The following KIF13A variants were observed in gnomAD, a reference collection of about 807,000 sequenced individuals.
KIF13A encodes the protein kinesin-like protein KIF13A.
Under a neutral mutation model 212.2 loss-of-function variants are expected in KIF13A, and 79 were observed. That is an observed-to-expected ratio of 0.37 (90% CI 0.31 to 0.45). KIF13A has a LOEUF of 0.45. Ranked by LOEUF, KIF13A falls within the 20% of genes least tolerant of loss-of-function variation. KIF13A has a pLI of 1.00. For synonymous variants in KIF13A, 789 were observed against 808.6 expected, an observed-to-expected ratio of 0.98 and a Z score of 0.41; for missense variants, 1,901 against 2,209.0, an observed-to-expected ratio of 0.86 and a Z score of 2.79.
chr6:17,760,570 G>A, downstream of KIF13A: 1 of 540,724 alleles, frequency 1.8e-6, no homozygotes, highest in Non-Finnish European at 3.3e-6. Context: ...GAGGTGTGTA[G>A]TAAGTGCAAA....
rs562018976 is a variant in KIF13A at position 17,854,631 on chromosome 6, C to T, written c.494+806G>A. Among the ~76,000 whole-genome samples, 240 of 135,088 alleles carry T rather than the reference C, an allele frequency of 1.8e-3. 2 individuals carry two copies. Among genetic ancestry groups the T allele is most frequent in the African/African-American group, 6.1e-3 (222 of 36,314 alleles). 88.6% of individuals were successfully genotyped at this position (135,088 alleles called of 152,430 possible). Reference sequence around the variant, plus strand: ...AGTGCAGTGGCGTGATCTCAACTCACTGCAACCTCTGCCTCCTGGGTTCAA... The same window carrying T: ...AGTGCAGTGGCGTGATCTCAACTCATTGCAACCTCTGCCTCCTGGGTTCAA... On this transcript the variant is annotated intron_variant, in intron 6 of 38. Transcript: ENST00000259711.
rs985139123 is a variant in KIF13A at position 17,813,277 on chromosome 6, C to T, written c.2000+3743G>A. On this transcript the variant is annotated intron_variant, in intron 17 of 38. Transcript: ENST00000259711. ...GGCGGATCACCTGAGGTCAGGGGTT[C>T]GAGACCAGCCTGGCCAACATGGTGA... 5.3e-5 allele frequency among the ~76,000 whole-genome samples: 8 copies of T among 152,068 alleles called. No homozygotes were observed. The South Asian group carries it at 6.2e-4, about 12-fold the overall frequency.
intron 16 of KIF13A, among the ~76,000 whole-genome samples, chr6:17,822,956 T>C (rs915576475): frequency 2.0e-5 from 3 of 152,186 alleles, no homozygotes; most frequent in African/African-American, 7.2e-5. Flanking sequence ...CTTAACACTC[T>C]ACTCTTACTG....
rs1300742169 is a variant in KIF13A, at chr6:17,769,305, T to C, written c.4581+1809A>G. Among the ~76,000 whole-genome samples, 1 of 152,202 alleles carries C rather than the reference T, an allele frequency of 6.6e-6. No individual in the cohort carries two copies. Among genetic ancestry groups the C allele is most frequent in the East Asian group, 1.9e-4 (1 of 5,204 alleles). ...GTCTGGAATGAATTAAAGAGCCCAA[T>C]TGCCTCTTAGGTGCAGAGTGCTCAG... On this transcript the variant is annotated intron_variant, in intron 38 of 38. Transcript: ENST00000259711. The surrounding 1 kb of genome is among the most constrained non-coding windows in gnomAD (Gnocchi z 5.8).
chr6:17,808,626 T>C, intron 18 of KIF13A, 142 bp downstream of exon 18: 5 of 721,370 alleles, frequency 6.9e-6, no homozygotes, highest in Non-Finnish European at 1.1e-5. Context: ...ATGAGGTATA[T>C]AAAGAATGTC....
chr6:17,826,927 G>A lies in KIF13A; in HGVS notation c.1533-803C>T, dbSNP rs1439475410. On this transcript the variant is annotated intron_variant, in intron 14 of 38. Coordinates refer to ENST00000259711, the MANE Select transcript of KIF13A (RefSeq NM_022113.6). This position sits in a 1 kb window ranked among gnomAD's most constrained non-coding sequence, Gnocchi z 4.7. Reference sequence around the variant, plus strand: ...AAAATAATTTTTTTTTCTGGGCATGGTGGTGGGCGCCTGTAATCCCAGCTA... The same window carrying A: ...AAAATAATTTTTTTTTCTGGGCATGATGGTGGGCGCCTGTAATCCCAGCTA... Among the ~76,000 whole-genome samples, 1 of 151,690 alleles carries A rather than the reference G, an allele frequency of 6.6e-6. No individual in the cohort carries two copies. Among genetic ancestry groups the A allele is most frequent in the Non-Finnish European group, 1.5e-5 (1 of 67,950 alleles).
chr6:17,822,552 T>A (rs75695029), intron 16 of KIF13A, among the ~76,000 whole-genome samples: 200 of 152,294 alleles, frequency 1.3e-3, no homozygotes, highest in African/African-American at 4.5e-3. Context: ...TAGTAATTGA[T>A]TCAAATAAGG....
chr6:17,874,709 C>T (rs1184542785), intron 3 of KIF13A, among the ~76,000 whole-genome samples: 1 of 151,786 alleles, frequency 6.6e-6, no homozygotes, highest in African/African-American at 2.4e-5. Context: ...TTTTGGTGCA[C>T]CCATCACCTG....
chr6:17,794,987 T>A lies in KIF13A; in HGVS notation c.2943-283A>T, dbSNP rs1426086113. 3.2e-6 allele frequency: 1 copy of A among 314,166 alleles called. No individual in the cohort carries two copies. Among genetic ancestry groups the A allele is most frequent in the Non-Finnish European group, 5.8e-6 (1 of 171,536 alleles). 19.5% of individuals were successfully genotyped at this position (314,166 alleles called of 1,614,324 possible). On this transcript the variant is annotated intron_variant, in intron 23 of 38. Coordinates refer to ENST00000259711, the MANE Select transcript of KIF13A (RefSeq NM_022113.6). The surrounding 1 kb of genome is among the most constrained non-coding windows in gnomAD (Gnocchi z 4.1). Reference sequence around the variant, plus strand: ...AACCTGCCCTATCACCTCAGAAAGTTTGCTCATATGCATTCCCATTCAATC... The same window carrying A: ...AACCTGCCCTATCACCTCAGAAAGTATGCTCATATGCATTCCCATTCAATC...
At chr6:17,952,645 G>C (rs1777965518) in intron 2 of KIF13A, among the ~76,000 whole-genome samples, 1 of 149,814 alleles carries the variant, frequency 6.7e-6, no homozygotes, top group Non-Finnish European at 1.5e-5. Context: ...TGTAAGAAAA[G>C]AAAAGCCGGG....
chr6:17,948,555 T>A (rs1388021153), intron 2 of KIF13A, among the ~76,000 whole-genome samples: 1 of 125,950 alleles, frequency 7.9e-6, no homozygotes, highest in Non-Finnish European at 1.6e-5. Context: ...AACATCCATT[T>A]ACTTTTTTTT....
chr6:17,944,214 A>G (rs1262573859), intron 2 of KIF13A, among the ~76,000 whole-genome samples: 1 of 152,160 alleles, frequency 6.6e-6, no homozygotes, highest in Non-Finnish European at 1.5e-5. Flanking sequence ...TCAATGCTTT[A>G]TGTAACTTGA....
At chr6:17,784,222 C>A (rs551391065) in intron 28 of KIF13A, among the ~76,000 whole-genome samples, 68 of 152,194 alleles carry the variant, frequency 4.5e-4, no homozygotes, top group Non-Finnish European at 3.1e-4. Context: ...GAGTTCAAGA[C>A]CAGCCTGGGC....
At chr6:17,821,935 C>T (rs1764491072) in intron 16 of KIF13A, 4 of 1,534,658 alleles carry the variant, frequency 2.6e-6, no homozygotes, top group Non-Finnish European at 3.5e-6. Context: ...ACAGTGAACA[C>T]CGTCCAGCCA....
intron 3 of KIF13A, among the ~76,000 whole-genome samples, chr6:17,885,666 T>A (rs546689638): frequency 1.4e-4 from 21 of 152,354 alleles, no homozygotes; most frequent in African/African-American, 5.1e-4. Context: ...CATGCTTTCA[T>A]TCATTTAATG....
chr6:17,868,989 CAAAAAAAAAAAAAAAAAAAAA>C (rs71002278), intron 4 of KIF13A, among the ~76,000 whole-genome samples: 2 of 20,920 alleles, frequency 9.6e-5, no homozygotes, highest in South Asian at 6.0e-3. Flanking sequence ...GACTCCCTCT[CAAAAAAAAAAAAAAAAAAAAA>C]AAAAAAAAAA....
chr6:17,950,767 C>G (rs1777778957), intron 2 of KIF13A: 2 of 980,674 alleles, frequency 2.0e-6, no homozygotes, highest in South Asian at 9.4e-5. Context: ...CCTTATCCAC[C>G]CAACTAGAAA....
In KIF13A at chr6:17,837,654, A is replaced by G; in HGVS notation, c.831-71T>C. 9.4e-7 allele frequency: 1 copy of G among 1,062,240 alleles called. No individual in the cohort carries two copies. 65.8% of individuals were successfully genotyped at this position (1,062,240 alleles called of 1,614,324 possible). A position where few individuals can be genotyped will look rare whatever the true frequency, so the allele number is the denominator to read the frequency against. On this transcript the variant is annotated intron_variant, in intron 9 of 38. Transcript: ENST00000259711. The surrounding 1 kb of genome is among the most constrained non-coding windows in gnomAD (Gnocchi z 5.4). ...GTTTAAGTATAAAATATGCAGAACA[A>G]TAAAGCTCCACAGTTAATACACGTT...
rs1446686473 is a variant in KIF13A at position 17,816,468 on chromosome 6, C to T, written c.2000+552G>A. Reference sequence around the variant, plus strand: ...TCCTCCCAGTGACCTTATAGGCATGCACCACCACGCCTGGGTAATTTTTAC... The same window carrying T: ...TCCTCCCAGTGACCTTATAGGCATGTACCACCACGCCTGGGTAATTTTTAC... On this transcript the variant is annotated intron_variant, in intron 17 of 38. Coordinates refer to ENST00000259711, the MANE Select transcript of KIF13A (RefSeq NM_022113.6). The surrounding 1 kb of genome is among the most constrained non-coding windows in gnomAD (Gnocchi z 4.3). Among the ~76,000 whole-genome samples the T allele has an allele frequency of 1.3e-5, 2 of 152,034 alleles. No homozygotes were observed. The highest frequency in any genetic ancestry group is 2.4e-5 in the African/African-American group (1 of 41,388).
Sources: allele counts gnomAD v4.1 joint callset (sites outside exome capture counted in the v4.1 genomes callset), GRCh38; gene constraint gnomAD v4.1.1; non-coding constraint Gnocchi (gnomAD v3.1); transcripts MANE v1.5; gene names NCBI Gene and HGNC (gene_info 2026-07-23, HGNC 2026-07-21).